Variants in ADAMTS20 observed in about 807,000 individuals in gnomAD.
The protein encoded by ADAMTS20 is ADAM metallopeptidase with thrombospondin type 1 motif 20.
A neutral mutation model predicts 260.1 loss-of-function variants in ADAMTS20; 225 were observed. The observed-to-expected ratio is 0.87, with a 90% CI of 0.78 to 0.97. ADAMTS20 has a LOEUF of 0.97. Ranked by LOEUF, ADAMTS20 falls within the 50% of genes least tolerant of loss-of-function variation. ADAMTS20 has a pLI of 0.00. For synonymous variants in ADAMTS20, 802 were observed against 769.5 expected (o/e 1.04, Z -0.70); for missense variants, 2,400 against 2,337.7 (o/e 1.03, Z -0.55).
At chr12:43,531,993 A>T in intron 3 of ADAMTS20, 43 bp downstream of exon 3, 1 of 1,285,020 alleles carries the variant, frequency 7.8e-7, no homozygotes, top group Non-Finnish European at 1.0e-6. Flanking sequence ...AGATTTAAAT[A>T]GTATCACTAT....
At chr12:43,374,826 G>T (rs918102159) in intron 36 of ADAMTS20, among the ~76,000 whole-genome samples, 1 of 152,108 alleles carries the variant, frequency 6.6e-6, no homozygotes, top group African/African-American at 2.4e-5. Context: ...AAGGTAGAGG[G>T]TTTTATCTTG....
Position 43,383,827 on chromosome 12 carries a change from C to A in ADAMTS20, c.4603G>T (p.Gly1535Trp), listed in dbSNP as rs117455456. Residue 1535 changes from glycine (G) to tryptophan (W), a missense_variant, in exon 30 of 39, where the codon GGG (glycine) becomes TGG (tryptophan). By Grantham distance (184) the Gly-to-Trp change is radical. Coordinates refer to ENST00000389420, the MANE Select transcript of ADAMTS20 (RefSeq NM_025003.5). ...ACATTCAGCCTCCCTCTTTCCATCC[C>A]CTTGTGCTGCACACAGTCCTGACTC... ...CWSQDCVQHK[G>W]MERGRLNCST... is the part of the protein sequence containing the mutation. The A allele has an allele frequency of 1.0e-3, 1,632 of 1,613,832 alleles. 37 individuals are homozygous for A. The East Asian group carries it at 0.036, about 35-fold the overall frequency.
At chr12:43,435,407 G>A (rs1941531487) in intron 18 of ADAMTS20, among the ~76,000 whole-genome samples, 10 of 152,044 alleles carry the variant, frequency 6.6e-5, no homozygotes, top group Admixed American at 6.6e-4. Flanking sequence ...TTGGGAAGCT[G>A]AGGCGGGCGG....
intron 28 of ADAMTS20, chr12:43,423,850 A>T (rs1200128762): frequency 2.8e-6 from 2 of 718,680 alleles, no homozygotes; most frequent in Non-Finnish European, 5.1e-6. Context: ...AGTGCTTTCC[A>T]TGGCAAAATA....
rs542486842 is a variant in ADAMTS20 at position 43,513,394 on chromosome 12, T to C, written c.614-10989A>G. Among the ~76,000 whole-genome samples the C allele has an allele frequency of 2.6e-5, 4 of 152,272 alleles. No homozygotes were observed. In the South Asian group the frequency reaches 8.3e-4, roughly 32 times the overall value. ...ATTGGGAACTGAAAACAGGCACATG[T>C]TCATTCACGAACTCAAAGCCTTTTA... On this transcript the variant is annotated intron_variant, in intron 3 of 38. Coordinates refer to ENST00000389420, the MANE Select transcript of ADAMTS20 (RefSeq NM_025003.5).
At chr12:43,471,012 T>G (rs1942245987) in intron 7 of ADAMTS20, among the ~76,000 whole-genome samples, 1 of 152,150 alleles carries the variant, frequency 6.6e-6, no homozygotes, top group African/African-American at 2.4e-5. Flanking sequence ...ACAGCTCCGG[T>G]CTACAGCTCC....
intron 37 of ADAMTS20, among the ~76,000 whole-genome samples, chr12:43,368,434 C>T (rs1293017327): frequency 6.6e-6 from 1 of 152,042 alleles, no homozygotes; most frequent in Non-Finnish European, 1.5e-5. Flanking sequence ...GTTCTAGTGT[C>T]TCTTGATCTC....
At chr12:43,411,638 G>T (rs1036365622) in intron 28 of ADAMTS20, among the ~76,000 whole-genome samples, 51 of 152,140 alleles carry the variant, frequency 3.4e-4, no homozygotes, top group African/African-American at 1.2e-3. Flanking sequence ...AAAGTGCTGG[G>T]ATTACAGGCA....
intron 2 of ADAMTS20, among the ~76,000 whole-genome samples, chr12:43,536,182 C>T (rs1436477432): frequency 6.6e-6 from 1 of 152,020 alleles, no homozygotes; most frequent in Non-Finnish European, 1.5e-5. Flanking sequence ...ACAGGTGAGA[C>T]AAATGAGGAA....
chr12:43,435,318 T>C (rs1427741353), intron 18 of ADAMTS20, among the ~76,000 whole-genome samples: 3 of 152,106 alleles, frequency 2.0e-5, no homozygotes, highest in Non-Finnish European at 2.9e-5. Context: ...TTCTACTCAA[T>C]TTTTCAGTAA....
chr12:43,451,175 A>C (rs892704784), intron 14 of ADAMTS20, among the ~76,000 whole-genome samples: 1 of 152,190 alleles, frequency 6.6e-6, no homozygotes, highest in Non-Finnish European at 1.5e-5. Flanking sequence ...AATAAGCCAG[A>C]CACCAAAAAT....
At chr12:43,463,089 A>ATCTG (rs993777488) in intron 10 of ADAMTS20, 90 bp from the exon 11 acceptor site, 11 of 864,068 alleles carry the variant, frequency 1.3e-5, no homozygotes, top group Admixed American at 2.6e-5. Flanking sequence ...TTATAAATTG[A>ATCTG]TCTGTTACCT....
chr12:43,489,683 A>C (rs1389620011), intron 7 of ADAMTS20, among the ~76,000 whole-genome samples: 1 of 151,978 alleles, frequency 6.6e-6, no homozygotes, highest in Non-Finnish European at 1.5e-5. Context: ...ATATCTTATA[A>C]ATGTGAATAT....
At chr12:43,428,842 A>G in intron 24 of ADAMTS20, 43 bp from the exon 25 acceptor site, 1 of 1,519,964 alleles carries the variant, frequency 6.6e-7, no homozygotes, top group South Asian at 1.4e-5. Flanking sequence ...ATACAGTAGT[A>G]CCTCACCCAT....
intron 29 of ADAMTS20, among the ~76,000 whole-genome samples, chr12:43,384,541 T>C (rs1007300646): frequency 1.3e-5 from 2 of 152,128 alleles, no homozygotes; most frequent in African/African-American, 4.8e-5. Context: ...GCCATGGTGG[T>C]TTGCTGCAAC....
intron 11 of ADAMTS20, among the ~76,000 whole-genome samples, chr12:43,459,146 T>C (rs1192785470): frequency 6.6e-6 from 1 of 152,196 alleles, no homozygotes; most frequent in Non-Finnish European, 1.5e-5. Context: ...TTGTTACAGC[T>C]GGAGCTGAGC....
intron 7 of ADAMTS20, 30 bp from the exon 8 acceptor site, chr12:43,468,735 A>C: frequency 7.6e-7 from 1 of 1,312,158 alleles, no homozygotes; most frequent in Non-Finnish European, 1.1e-6. Context: ...TATTTCATCA[A>C]AATGGAAAAC....
At chr12:43,493,320 A>C in intron 4 of ADAMTS20, 67 bp from the exon 5 acceptor site, 1 of 1,146,802 alleles carries the variant, frequency 8.7e-7, no homozygotes, top group South Asian at 1.4e-5. Flanking sequence ...GTAAGTTGAA[A>C]TAGTCACAGA....
chr12:43,513,083 AG>A (rs1942947573), intron 3 of ADAMTS20, among the ~76,000 whole-genome samples: 1 of 152,198 alleles, frequency 6.6e-6, no homozygotes, highest in African/African-American at 2.4e-5. Context: ...GGCTCTACTT[AG>A]AATAAAAACC....
Sources: gnomAD v4.1 joint callset for allele counts (sites outside exome capture counted in the v4.1 genomes callset) on GRCh38, gnomAD v4.1.1 for gene constraint, MANE v1.5 for transcripts, NCBI Gene and HGNC (gene_info 2026-07-23, HGNC 2026-07-21) for gene names.